Variants in NFIC observed in about 807,000 individuals in gnomAD.
NFIC encodes nuclear factor I C.
In NFIC, 12 loss-of-function variants were observed where a neutral mutation model predicts 54.4. That is an observed-to-expected ratio of 0.22 (90% CI 0.14 to 0.36). The LOEUF (loss-of-function observed/expected upper bound fraction) is 0.36. NFIC is among the 10% of genes least tolerant of loss of function. The probability of loss-of-function intolerance (pLI) is 1.00; values close to 1 mark genes in which losing one functional copy is unlikely to be tolerated. For synonymous variants in NFIC, 322 were observed against 319.2 expected (o/e 1.01, Z -0.09); for missense variants, 575 against 718.2 (o/e 0.80, Z 2.28).
intron 6 of NFIC, among the ~76,000 whole-genome samples, chr19:3,438,579 AG>A (rs1292169318): frequency 6.6e-6 from 1 of 151,950 alleles, no homozygotes; most frequent in African/African-American, 2.4e-5. Context: ...CTGGGACTAC[AG>A]GCACCCACTA....
At chr19:3,408,518 C>T (rs534008018) in intron 2 of NFIC, among the ~76,000 whole-genome samples, 5 of 152,242 alleles carry the variant, frequency 3.3e-5, no homozygotes, top group East Asian at 1.9e-4. Flanking sequence ...CATAGCTCAT[C>T]GCAGCCTCAA....
chr19:3,424,291 G>A (rs2081994894), intron 2 of NFIC, among the ~76,000 whole-genome samples: 2 of 152,096 alleles, frequency 1.3e-5, no homozygotes, highest in East Asian at 1.9e-4. Flanking sequence ...GCCTCCCAAA[G>A]TGCTGGGATT....
upstream of NFIC, among the ~76,000 whole-genome samples, chr19:3,363,739 A>G: frequency 6.6e-6 from 1 of 152,338 alleles, no homozygotes; most frequent in Middle Eastern, 3.4e-3. Flanking sequence ...TTCTGTTCCC[A>G]TGGGACACTT....
intron 9 of NFIC, among the ~76,000 whole-genome samples, chr19:3,454,568 C>T (rs1180508850): frequency 1.3e-5 from 2 of 152,078 alleles, no homozygotes; most frequent in African/African-American, 2.4e-5. Context: ...CCTGGCATCC[C>T]TGTCCTGAGG....
chr19:3,401,269 G>C (rs2081550665), intron 2 of NFIC, among the ~76,000 whole-genome samples: 1 of 152,174 alleles, frequency 6.6e-6, no homozygotes, highest in Admixed American at 6.5e-5. Flanking sequence ...GGAGGGACCA[G>C]CCCTGACTCA....
At chr19:3,439,879 G>A (rs1478373124) in intron 6 of NFIC, among the ~76,000 whole-genome samples, 3 of 151,586 alleles carry the variant, frequency 2.0e-5, no homozygotes, top group South Asian at 2.1e-4. Flanking sequence ...TAGTAGAGAC[G>A]GGGTTTCACC....
chr19:3,379,004 G>A (rs1243490422), intron 1 of NFIC, among the ~76,000 whole-genome samples: 3 of 152,106 alleles, frequency 2.0e-5, no homozygotes, highest in South Asian at 2.1e-4. Flanking sequence ...ATCTCAGCCA[G>A]GCCTGTCTGT....
intron 6 of NFIC, among the ~76,000 whole-genome samples, chr19:3,444,776 C>T (rs7254992): frequency 1.3e-5 from 2 of 152,158 alleles, no homozygotes; most frequent in Admixed American, 6.5e-5. Flanking sequence ...CGTGGCCCTG[C>T]GCTTGCAGGG....
intron 2 of NFIC, among the ~76,000 whole-genome samples, chr19:3,397,691 T>C (rs901437657): frequency 2.0e-5 from 3 of 151,842 alleles, no homozygotes; most frequent in Admixed American, 6.6e-5. Flanking sequence ...ACGGGGCAGC[T>C]GAATGGGCCT....
chr19:3,451,005 T>C (rs1174535182), intron 7 of NFIC, among the ~76,000 whole-genome samples: 1 of 152,200 alleles, frequency 6.6e-6, no homozygotes, highest in Non-Finnish European at 1.5e-5. Flanking sequence ...GCCAAAAATA[T>C]TTACTATCTG....
At chr19:3,397,791 T>C (rs2081488528) in intron 2 of NFIC, among the ~76,000 whole-genome samples, 1 of 152,176 alleles carries the variant, frequency 6.6e-6, no homozygotes, top group South Asian at 2.1e-4. Context: ...TCAGAAAGAA[T>C]GTGAGCGGGG....
At chr19:3,454,189 G>T (rs923413895) in intron 9 of NFIC, 1 of 1,247,588 alleles carries the variant, frequency 8.0e-7, no homozygotes, top group Non-Finnish European at 1.0e-6. Flanking sequence ...GGTGCCCGCC[G>T]TGGGCCGTCA....
Position 3,452,503 on chromosome 19 carries a change from C to A in NFIC, c.1106C>A (p.Pro369Gln), listed in dbSNP as rs1359782011. 6.2e-7 allele frequency: 1 copy of A among 1,612,556 alleles called. No homozygotes were observed. The highest frequency in any genetic ancestry group is 8.5e-7 in the Non-Finnish European group (1 of 1,180,000). The change falls in exon 8 of 11, where the codon CCG becomes CAG. Residue 369 changes from proline to glutamine, a missense_variant. Around this residue, in one of 3 missense-constraint regions of NFIC, gnomAD observed 447 missense variants for 526.9 expected, o/e 0.85. Coordinates refer to ENST00000443272, the MANE Select transcript of NFIC (RefSeq NM_001245002.2). The surrounding 1 kb of genome is among the most constrained non-coding windows in gnomAD (Gnocchi z 5.3). ...VHSGIARSPH[P>Q]SSALHFPTTS... ...GCAGGGATCGCCCGGAGCCCACACC[C>A]GTCCTCCGCTCTGCATTTCCCTACG...
At chr19:3,428,629 G>T (rs1235927663) in intron 3 of NFIC, among the ~76,000 whole-genome samples, 5 of 152,080 alleles carry the variant, frequency 3.3e-5, no homozygotes, top group African/African-American at 7.2e-5. Context: ...CGGGTCCTCC[G>T]CGGCCTCCTG....
chr19:3,380,518 G>A (rs1471139974), intron 1 of NFIC, among the ~76,000 whole-genome samples: 2 of 151,176 alleles, frequency 1.3e-5, no homozygotes, highest in South Asian at 2.1e-4. Context: ...TAGTAGGGAC[G>A]GGGTTTTGCC....
At chr19:3,432,918 C>T (rs1599679028) in intron 3 of NFIC, among the ~76,000 whole-genome samples, 2 of 152,080 alleles carry the variant, frequency 1.3e-5, no homozygotes, top group South Asian at 2.1e-4. Flanking sequence ...GATCCTCCCG[C>T]CTCGGCCTCC....
Position 3,462,896 on chromosome 19 carries a change from C to A in NFIC, c.*127C>A. The A allele has an allele frequency of 6.4e-7, 1 of 1,560,512 alleles. No homozygotes were observed. The highest frequency in any genetic ancestry group is 8.6e-7 in the Non-Finnish European group (1 of 1,159,682). On this transcript the variant is annotated 3_prime_UTR_variant, in exon 11 of 11. Transcript: ENST00000443272. ...CAAGAACACCCCTGCCGACTCCCAG[C>A]CCGGCCAAAAAGACAAAACACATAG... is the stretch of plus-strand genomic sequence containing the variant.
upstream of NFIC, among the ~76,000 whole-genome samples, chr19:3,366,305 C>G (rs1450873669): frequency 1.5e-5 from 2 of 136,430 alleles, no homozygotes; most frequent in East Asian, 2.4e-4. Context: ...TTTTTTCCCT[C>G]GTTTCTTTGA....
chr19:3,418,094 CTTTTCT>C lies in NFIC; in HGVS notation c.563-7007_563-7002del, dbSNP rs1017776870. Among the ~76,000 whole-genome samples the C allele has an allele frequency of 1.2e-3, 182 of 145,830 alleles. 1 individual carries two copies. The highest frequency in any genetic ancestry group is 5.0e-4 in the Non-Finnish European group (33 of 66,052). On this transcript the variant is annotated intron_variant, in intron 2 of 10. Coordinates refer to ENST00000443272, the MANE Select transcript of NFIC (RefSeq NM_001245002.2). ...ACTGAGCAACTTAAAATTTAATTTT[CTTTTCT>C]TTTTTTTTTTTTTTTTGAGACATAG... is the stretch of plus-strand genomic sequence containing the variant.
Sources: gnomAD v4.1 joint callset for allele counts (sites outside exome capture counted in the v4.1 genomes callset) on GRCh38, gnomAD v4.1.1 for gene constraint, gnomAD v4.1.1 regional missense constraint, Gnocchi (gnomAD v3.1) non-coding constraint, MANE v1.5 for transcripts, NCBI Gene and HGNC (gene_info 2026-07-23, HGNC 2026-07-21) for gene names.